The following ATRNL1 variants were observed in gnomAD, a reference collection of about 807,000 sequenced individuals.
The protein encoded by ATRNL1 is attractin-like protein 1.
In ATRNL1, 95 loss-of-function variants were observed where a neutral mutation model predicts 182.7. That is an observed-to-expected ratio of 0.52 (90% CI 0.44 to 0.62). The LOEUF (loss-of-function observed/expected upper bound fraction) is 0.62, where lower values mean the gene tolerates loss of function less well. ATRNL1 is among the 20% of genes least tolerant of loss of function. The probability of loss-of-function intolerance (pLI) is 0.00; values close to 1 mark genes in which losing one functional copy is unlikely to be tolerated. For missense variants in ATRNL1, 1,471 were observed against 1,679.5 expected (o/e 0.88, Z 2.17); for synonymous variants, 576 against 568.3 (o/e 1.01, Z -0.19).
chr10:115,413,733 A>C (rs1056673621), intron 20 of ATRNL1, among the ~76,000 whole-genome samples: 1 of 152,000 alleles, frequency 6.6e-6, no homozygotes, highest in Non-Finnish European at 1.5e-5. Context: ...GGCTCATCTT[A>C]TTCCTCTTCT....
At chr10:115,158,156 A>G (rs1369134113) in intron 5 of ATRNL1, among the ~76,000 whole-genome samples, 1 of 152,094 alleles carries the variant, frequency 6.6e-6, no homozygotes, top group Non-Finnish European at 1.5e-5. Flanking sequence ...ACTGACTTAC[A>G]TGTTAAAATA....
At chr10:115,282,251 AT>A (rs1213224824) in intron 14 of ATRNL1, among the ~76,000 whole-genome samples, 2 of 147,428 alleles carry the variant, frequency 1.4e-5, no homozygotes, top group Non-Finnish European at 3.0e-5. Flanking sequence ...TTCTTTTTTT[AT>A]TTTTTTAAAA....
At chr10:115,720,929 C>T (rs1947402506) in intron 26 of ATRNL1, among the ~76,000 whole-genome samples, 1 of 152,096 alleles carries the variant, frequency 6.6e-6, no homozygotes, top group Non-Finnish European at 1.5e-5. Context: ...CTTGAAATAA[C>T]TTAAGGAAGT....
intron 28 of ATRNL1, among the ~76,000 whole-genome samples, chr10:115,922,901 A>G (rs1455635543): frequency 6.6e-6 from 1 of 152,206 alleles, no homozygotes; most frequent in African/African-American, 2.4e-5. Flanking sequence ...AGAATTTTTA[A>G]CACAAGGAAA....
intron 28 of ATRNL1, among the ~76,000 whole-genome samples, chr10:115,921,964 C>T (rs1229948933): frequency 6.6e-6 from 1 of 152,222 alleles, no homozygotes; most frequent in East Asian, 1.9e-4. Flanking sequence ...AAACATTAGT[C>T]AGCTTCCCTG....
intron 26 of ATRNL1, among the ~76,000 whole-genome samples, chr10:115,701,225 T>C (rs1292604856): frequency 2.0e-5 from 3 of 151,990 alleles, no homozygotes. Flanking sequence ...AACAACAAAA[T>C]TAAGGCAGGA....
intron 25 of ATRNL1, among the ~76,000 whole-genome samples, chr10:115,549,157 T>G (rs907377661): frequency 2.0e-5 from 3 of 152,016 alleles, no homozygotes; most frequent in Non-Finnish European, 4.4e-5. Flanking sequence ...CTAAATAGAT[T>G]TTGGTTGTGA....
chr10:115,133,728 A>T (rs1349497268), intron 5 of ATRNL1, among the ~76,000 whole-genome samples: 1 of 152,168 alleles, frequency 6.6e-6, no homozygotes. Flanking sequence ...CTCCACCCCA[A>T]TTCGACAGAA....
chr10:115,811,291 T>A (rs2420119), intron 27 of ATRNL1, among the ~76,000 whole-genome samples: 73,106 of 151,736 alleles, frequency 0.48, 18,873 homozygotes, highest in East Asian at 0.76. Context: ...TCCAGATTTT[T>A]AAATTTATTT....
rs1555045387 is a variant in ATRNL1, at chr10:115,683,553, T to TTTTTTG, written c.3796-43690_3796-43689insGTTTTT. Among the ~76,000 whole-genome samples, 5 of 147,286 alleles carry TTTTTTG rather than the reference T, an allele frequency of 3.4e-5. 1 individual carries two copies. Among genetic ancestry groups the TTTTTTG allele is most frequent in the South Asian group, 4.3e-4 (2 of 4,618 alleles). On this transcript the variant is annotated intron_variant, in intron 26 of 28. Coordinates refer to ENST00000355044, the MANE Select transcript of ATRNL1 (RefSeq NM_207303.4). ...GGAAGAAGAAGAGAACTAGCGTTTT[T>TTTTTTG]TTTTTTTTTTTGCATGCCTAATATA...
intron 28 of ATRNL1, among the ~76,000 whole-genome samples, chr10:115,928,776 A>G (rs1452369444): frequency 3.3e-5 from 5 of 151,990 alleles, no homozygotes; most frequent in African/African-American, 1.2e-4. Context: ...ATATGATAAA[A>G]TATTTTTCAA....
intron 4 of ATRNL1, 31 bp downstream of exon 4, chr10:115,127,752 A>G (rs1403559145): frequency 7.6e-7 from 1 of 1,320,930 alleles, no homozygotes; most frequent in Non-Finnish European, 9.9e-7. Flanking sequence ...CCTTCTTTTA[A>G]TGATTCTTGT....
At chr10:115,238,395 CTT>C (rs550135403) in intron 9 of ATRNL1, among the ~76,000 whole-genome samples, 32 of 152,100 alleles carry the variant, frequency 2.1e-4, no homozygotes, top group Non-Finnish European at 4.0e-4. Flanking sequence ...TGTACTATCT[CTT>C]TATTTATTTA....
intron 27 of ATRNL1, among the ~76,000 whole-genome samples, chr10:115,761,208 A>T (rs1185538758): frequency 7.2e-5 from 11 of 152,246 alleles, no homozygotes; most frequent in Admixed American, 2.6e-4. Context: ...ATAATGCATT[A>T]TGTGAAGTGC....
chr10:115,790,267 A>C (rs1292111798), intron 27 of ATRNL1, among the ~76,000 whole-genome samples: 1 of 151,888 alleles, frequency 6.6e-6, no homozygotes. Context: ...AAAAAAAAAA[A>C]AAAACTCTTA....
chr10:115,250,452 A>G (rs1850827382), intron 10 of ATRNL1, among the ~76,000 whole-genome samples: 1 of 152,192 alleles, frequency 6.6e-6, no homozygotes, highest in Admixed American at 6.5e-5. Context: ...TAACTATAGT[A>G]TGTACTGGGT....
chr10:115,403,409 A>G (rs1275848353), intron 20 of ATRNL1, among the ~76,000 whole-genome samples: 1 of 151,938 alleles, frequency 6.6e-6, no homozygotes, highest in African/African-American at 2.4e-5. Context: ...TATAAACACA[A>G]TTGGATAAGT....
chr10:115,568,039 T>C (rs1221748582), intron 26 of ATRNL1, among the ~76,000 whole-genome samples: 1 of 152,136 alleles, frequency 6.6e-6, no homozygotes, highest in Non-Finnish European at 1.5e-5. Flanking sequence ...TTAATATAAA[T>C]GTTTGTTGGA....
At position 115,490,541 on chromosome 10, in the gene ATRNL1, G is replaced by A. The variant is rs148746259; in HGVS notation, c.3654+21212G>A. 1.3e-3 allele frequency among the ~76,000 whole-genome samples: 205 copies of A among 152,142 alleles called. 5 individuals carry two copies. In the East Asian group the frequency reaches 0.038, roughly 28 times the overall value. ...CTATTGATAGATGTGTATGCCTCAC[G>A]AAGTTCTTGTGCTGTGTTTTTCAGC... On this transcript the variant is annotated intron_variant, in intron 24 of 28. Coordinates refer to ENST00000355044, the MANE Select transcript of ATRNL1 (RefSeq NM_207303.4).
Sources: allele counts gnomAD v4.1 joint callset (sites outside exome capture counted in the v4.1 genomes callset), GRCh38; gene constraint gnomAD v4.1.1; transcripts MANE v1.5; gene names NCBI Gene and HGNC (gene_info 2026-07-23, HGNC 2026-07-21).